MGAT4C: variants seen among roughly 807,000 people sequenced by gnomAD.
MGAT4C encodes alpha-1,3-mannosyl-glycoprotein 4-beta-N-acetylglucosaminyltransferase C.
A neutral mutation model predicts 40.1 loss-of-function variants in MGAT4C; 19 were observed. That is an observed-to-expected ratio of 0.47 (90% CI 0.33 to 0.70). The LOEUF is 0.70. Among genes scored for constraint, MGAT4C ranks in the 30% least tolerant of loss-of-function variants. The pLI is 0.02. For missense variants in MGAT4C, 491 were observed against 563.2 expected (o/e 0.87, Z 1.30); for synonymous variants, 181 against 187.1 (o/e 0.97, Z 0.27).
At chr12:86,333,688 C>T (rs920699227) in intron 4 of MGAT4C, among the ~76,000 whole-genome samples, 2 of 151,984 alleles carry the variant, frequency 1.3e-5, no homozygotes, top group African/African-American at 4.8e-5. Flanking sequence ...AGTATTTAGG[C>T]ATATTAGTCA....
At chr12:86,418,290 C>T (rs1430727037) in intron 3 of MGAT4C, among the ~76,000 whole-genome samples, 1 of 151,994 alleles carries the variant, frequency 6.6e-6, no homozygotes, top group African/African-American at 2.4e-5. Flanking sequence ...TGATGGATGG[C>T]CTGAGTTTTT....
intron 4 of MGAT4C, among the ~76,000 whole-genome samples, chr12:86,274,613 T>A (rs114507612): frequency 1.3e-5 from 2 of 152,162 alleles, no homozygotes; most frequent in African/African-American, 2.4e-5. Context: ...CAAGAACTCC[T>A]GGGCAGATTT....
chr12:86,302,708 T>G lies in MGAT4C; in HGVS notation c.-57+31357A>C, dbSNP rs1423892932. On this transcript the variant is annotated intron_variant, in intron 4 of 7. Coordinates refer to the MGAT4C transcript ENST00000548651. The stretch of plus-strand genomic sequence containing the variant: ...CCTCCCAAAGTGCTGGGATTACAGG[T>G]GTGAGCCACCGCACCAGGACAGCAG... Among the ~76,000 whole-genome samples, 2 of 150,534 alleles carry G rather than the reference T, an allele frequency of 1.3e-5. 1 individual carries two copies. The highest frequency in any genetic ancestry group is 5.0e-5 in the African/African-American group (2 of 39,968).
chr12:86,035,418 G>A (rs1274025375), intron 2 of MGAT4C, among the ~76,000 whole-genome samples: 1 of 149,950 alleles, frequency 6.7e-6, no homozygotes, highest in Non-Finnish European at 1.5e-5. Flanking sequence ...CGCACTTTTT[G>A]ATGGGGTTGT....
chr12:86,528,060 T>C (rs575933905), intron 2 of MGAT4C, among the ~76,000 whole-genome samples: 2 of 152,314 alleles, frequency 1.3e-5, no homozygotes, highest in Admixed American at 6.5e-5. Flanking sequence ...GTGTGAATTA[T>C]AGTTCATTAA....
intron 3 of MGAT4C, among the ~76,000 whole-genome samples, chr12:86,347,274 C>T (rs1955057523): frequency 6.6e-6 from 1 of 152,026 alleles, no homozygotes; most frequent in African/African-American, 2.4e-5. Flanking sequence ...CACATTAAGT[C>T]TAATTATAAA....
At chr12:86,635,061 C>T (rs1048875957) in intron 2 of MGAT4C, among the ~76,000 whole-genome samples, 2 of 152,070 alleles carry the variant, frequency 1.3e-5, no homozygotes, top group Non-Finnish European at 2.9e-5. Flanking sequence ...TTTCTAGTAT[C>T]TTTGTGCCTC....
chr12:86,351,417 C>T (rs545426760), intron 3 of MGAT4C, among the ~76,000 whole-genome samples: 2 of 151,792 alleles, frequency 1.3e-5, no homozygotes, highest in African/African-American at 4.8e-5. Flanking sequence ...TGAAACTTGC[C>T]TAAAGTAGAA....
At chr12:86,422,504 A>T (rs1236944225) in intron 3 of MGAT4C, among the ~76,000 whole-genome samples, 1 of 152,182 alleles carries the variant, frequency 6.6e-6, no homozygotes, top group Non-Finnish European at 1.5e-5. Context: ...ATAAAAACAC[A>T]AGCAAACCAA....
intron 2 of MGAT4C, among the ~76,000 whole-genome samples, chr12:86,663,848 A>G (rs1964037856): frequency 6.6e-6 from 1 of 152,162 alleles, no homozygotes. Flanking sequence ...ATGCAACTCA[A>G]TTTGCTATTT....
At chr12:86,123,965 A>G (rs1167405090) in intron 1 of MGAT4C, among the ~76,000 whole-genome samples, 1 of 152,116 alleles carries the variant, frequency 6.6e-6, no homozygotes, top group African/African-American at 2.4e-5. Context: ...TTATCCTTAA[A>G]TTTCATTTTT....
intron 1 of MGAT4C, among the ~76,000 whole-genome samples, chr12:86,218,322 T>A (rs1448104833): frequency 2.6e-5 from 4 of 152,132 alleles, no homozygotes; most frequent in Non-Finnish European, 5.9e-5. Context: ...TAATACTATT[T>A]TGATGAACCC....
intron 3 of MGAT4C, among the ~76,000 whole-genome samples, chr12:86,359,616 C>A (rs1450779314): frequency 2.0e-5 from 3 of 151,880 alleles, no homozygotes; most frequent in Non-Finnish European, 2.9e-5. Flanking sequence ...AGAGAAGAAT[C>A]AAATAGACGC....
At chr12:86,782,171 A>ATTTTTTTTTTTTTTTTTTTTT (rs57791582) in intron 1 of MGAT4C, among the ~76,000 whole-genome samples, 1 of 40,276 alleles carries the variant, frequency 2.5e-5, no homozygotes. Flanking sequence ...TGTTTTTTGT[A>ATTTTTTTTTTTTTTTTTTTTT]TTTTTTTTTT....
chr12:85,980,109 T>C lies in MGAT4C; in HGVS notation c.617A>G (p.Tyr206Cys), dbSNP rs1375526545. Residue 206 changes from tyrosine to cysteine, a missense_variant, in exon 5 of 5, where the codon TAT becomes TGT. Physicochemically the swap from Tyr to Cys is radical, Grantham distance 194 (BLOSUM62 -2). Coordinates refer to ENST00000611864, the MANE Select transcript of MGAT4C (RefSeq NM_001351288.2). ...GGCACAAAAATTAAGCAGAAAAGCATAATCTACATTTTGCTTGGAACGAAA... is the reference window on the plus strand; with the variant it reads ...GGCACAAAAATTAAGCAGAAAAGCACAATCTACATTTTGCTTGGAACGAAA... ...VKFRSKQNVD[Y>C]AFLLNFCANT... The C allele has an allele frequency of 6.2e-7, 1 of 1,613,500 alleles. No homozygotes were observed. Among genetic ancestry groups the C allele is most frequent in the Non-Finnish European group, 8.5e-7 (1 of 1,179,606 alleles).
chr12:86,248,617 C>T (rs1199399731), intron 1 of MGAT4C, among the ~76,000 whole-genome samples: 2 of 152,124 alleles, frequency 1.3e-5, no homozygotes, highest in African/African-American at 4.8e-5. Flanking sequence ...TGTCTTGCCT[C>T]TTCTGTCATG....
At chr12:86,173,824 G>C (rs563821596) in intron 1 of MGAT4C, among the ~76,000 whole-genome samples, 1 of 152,116 alleles carries the variant, frequency 6.6e-6, no homozygotes, top group South Asian at 2.1e-4. Context: ...TCGCATTCAT[G>C]ACTTTACATT....
chr12:86,045,295 G>A (rs74851459), intron 2 of MGAT4C, among the ~76,000 whole-genome samples: 3,666 of 152,246 alleles, frequency 0.024, 154 homozygotes, highest in African/African-American at 0.084. Context: ...CTGGACCTAA[G>A]TAAAAGCTAA....
intron 2 of MGAT4C, among the ~76,000 whole-genome samples, chr12:86,040,449 G>A (rs1891690026): frequency 6.6e-6 from 1 of 152,182 alleles, no homozygotes; most frequent in Admixed American, 6.5e-5. Flanking sequence ...AGGGAATCTG[G>A]AGAGGCAGTC....
Sources: allele counts gnomAD v4.1 joint callset (sites outside exome capture counted in the v4.1 genomes callset), GRCh38; gene constraint gnomAD v4.1.1; transcripts MANE v1.5; gene names NCBI Gene and HGNC (gene_info 2026-07-23, HGNC 2026-07-21).